SAE1: variants seen among roughly 807,000 people sequenced by gnomAD.
SAE1 encodes SUMO1 activating enzyme subunit 1.
SAE1 carries 11 observed loss-of-function variants against 40.6 expected under a neutral mutation model. The ratio of observed to expected loss-of-function variants is 0.27; its 90% CI spans 0.17 to 0.45. The LOEUF (loss-of-function observed/expected upper bound fraction) is 0.45. Among genes scored for constraint, SAE1 ranks in the 20% least tolerant of loss-of-function variants. The probability of loss-of-function intolerance (pLI) is 1.00; values close to 1 mark genes in which losing one functional copy is unlikely to be tolerated. For missense variants in SAE1, 373 were observed against 427.3 expected (o/e 0.87, Z 1.12); for synonymous variants, 155 against 154.3 (o/e 1.00, Z -0.03).
intron 5 of SAE1, among the ~76,000 whole-genome samples, chr19:47,163,838 C>T (rs150035434): frequency 0.014 from 2,123 of 151,966 alleles, 106 homozygotes; most frequent in Admixed American, 0.097. Flanking sequence ...CAGGCTGGAG[C>T]GCAGTGGCGT....
intron 8 of SAE1, among the ~76,000 whole-genome samples, chr19:47,208,068 C>G (rs1009397352): frequency 6.6e-6 from 1 of 152,184 alleles, no homozygotes; most frequent in African/African-American, 2.4e-5. Flanking sequence ...ACTCTATGTC[C>G]TCATGGAATA....
chr19:47,192,044 ACT>A lies in SAE1; in HGVS notation c.734-5186_734-5185del, dbSNP rs779807971. Among the ~76,000 whole-genome samples, 8 of 149,452 alleles carry A rather than the reference ACT, an allele frequency of 5.4e-5. No individual in the cohort carries two copies. In the East Asian group the frequency reaches 1.6e-3, roughly 30 times the overall value. On this transcript the variant is annotated intron_variant, in intron 6 of 8. Transcript: ENST00000270225. ...ACTCCAGCCTGGGCAACAGAGCGAG[ACT>A]CTGTCTCAAAAAAAAAAAAAGAAAA... is the stretch of plus-strand genomic sequence containing the variant.
chr19:47,141,431 C>T (rs547595005), intron 1 of SAE1, among the ~76,000 whole-genome samples: 16 of 152,212 alleles, frequency 1.1e-4, no homozygotes, highest in Admixed American at 3.9e-4. Flanking sequence ...CATGAGTCAC[C>T]GGGCCCGGCT....
chr19:47,143,054 C>A (rs912767048), intron 1 of SAE1, among the ~76,000 whole-genome samples: 2 of 152,182 alleles, frequency 1.3e-5, no homozygotes, highest in African/African-American at 4.8e-5. Flanking sequence ...GGATTAGAGC[C>A]TGTCTCTTTC....
chr19:47,155,167 C>T lies in SAE1; in HGVS notation c.581C>T (p.Thr194Ile). The change falls in exon 5 of 9, where the codon ACC becomes ATC. Residue 194 changes from threonine (T) to isoleucine (I), a missense_variant. This residue lies in a region of SAE1 where 351 missense variants were observed against 390.6 expected (regional missense o/e 0.90). Coordinates refer to ENST00000270225, the MANE Select transcript of SAE1 (RefSeq NM_005500.3). ...VSQGVEDGPD[T>I]KRAKLDSSET... is the part of the protein sequence containing the mutation. Reference sequence around the variant, plus strand: ...CAAGGAGTAGAAGATGGGCCCGACACCAAGAGAGCAAAACTTGATTCTTCT... The same window carrying T: ...CAAGGAGTAGAAGATGGGCCCGACATCAAGAGAGCAAAACTTGATTCTTCT... 6.2e-7 allele frequency: 1 copy of T among 1,613,960 alleles called. No individual in the cohort carries two copies. Among genetic ancestry groups the T allele is most frequent in the African/African-American group, 1.3e-5 (1 of 74,992 alleles).
At chr19:47,133,596 T>C (rs1293940892) in intron 1 of SAE1, among the ~76,000 whole-genome samples, 1 of 152,198 alleles carries the variant, frequency 6.6e-6, no homozygotes, top group Non-Finnish European at 1.5e-5. Flanking sequence ...AGATTCTGGC[T>C]GGACTGTTGC....
At chr19:47,166,297 G>A (rs1253728220) in intron 5 of SAE1, among the ~76,000 whole-genome samples, 2 of 152,144 alleles carry the variant, frequency 1.3e-5, no homozygotes, top group African/African-American at 2.4e-5. Context: ...CAGCTTTCCC[G>A]ATGTGCCTTA....
intron 7 of SAE1, among the ~76,000 whole-genome samples, chr19:47,201,662 G>GTC (rs1326035817): frequency 1.4e-5 from 2 of 138,346 alleles, no homozygotes; most frequent in African/African-American, 5.5e-5. Flanking sequence ...ATTATTGGGA[G>GTC]TCTCTCTCTC....
chr19:47,145,009 G>A (rs1011530370), intron 2 of SAE1, among the ~76,000 whole-genome samples: 1 of 143,446 alleles, frequency 7.0e-6, no homozygotes, highest in Admixed American at 7.0e-5. Flanking sequence ...GTTTTGTTTT[G>A]TTTTTTTTTT....
chr19:47,169,950 C>G (rs781411028), intron 6 of SAE1, 27 bp downstream of exon 6: 1 of 1,546,392 alleles, frequency 6.5e-7, no homozygotes, highest in South Asian at 1.1e-5. Flanking sequence ...CAACTTACCC[C>G]GGGAGAGCTT....
Position 47,210,622 on chromosome 19 carries a change from T to C in SAE1, c.*1371T>C, listed in dbSNP as rs989387354. On this transcript the variant is annotated 3_prime_UTR_variant, in exon 9 of 9. Coordinates refer to ENST00000270225, the MANE Select transcript of SAE1 (RefSeq NM_005500.3). ...TGTGTGATGTTTCAATAAATCAGTC[T>C]CTTTCCTATTCTGATCCTGCAGCAG... 9.9e-5 allele frequency: 15 copies of C among 152,212 alleles called. No individual in the cohort carries two copies. The highest frequency in any genetic ancestry group is 3.1e-4 in the African/African-American group (13 of 41,450). The allele number at this position is 152,212 out of a possible 1,614,324, so 9.4% of individuals were successfully genotyped here.
At chr19:47,164,666 T>TG (rs1491395322) in intron 5 of SAE1, among the ~76,000 whole-genome samples, 7 of 130,742 alleles carry the variant, frequency 5.4e-5, no homozygotes, top group African/African-American at 2.0e-4. Flanking sequence ...TTTTTTTTTT[T>TG]GAGACAGAGT....
At chr19:47,177,888 C>A (rs1234110886) in intron 6 of SAE1, among the ~76,000 whole-genome samples, 5 of 152,056 alleles carry the variant, frequency 3.3e-5, no homozygotes, top group Non-Finnish European at 5.9e-5. Flanking sequence ...AGGATAGAGG[C>A]TGAGCCTCGG....
At chr19:47,135,739 C>T (rs951606829) in intron 1 of SAE1, 2 of 152,158 alleles carry the variant, frequency 1.3e-5, no homozygotes, top group African/African-American at 4.8e-5. Context: ...TCCTGCCTCC[C>T]TGCAAAGTGC....
intron 1 of SAE1, among the ~76,000 whole-genome samples, chr19:47,131,371 G>A (rs775770258): frequency 6.6e-6 from 1 of 152,082 alleles, no homozygotes; most frequent in African/African-American, 2.4e-5. Context: ...CTGGGGATAC[G>A]TGGAAAGGGT....
chr19:47,196,014 G>A (rs566473925), intron 6 of SAE1, among the ~76,000 whole-genome samples: 3 of 147,856 alleles, frequency 2.0e-5, no homozygotes, highest in Non-Finnish European at 3.0e-5. Flanking sequence ...GATTGCAGAT[G>A]TGTGCCATCA....
chr19:47,179,523 CTAAAT>C (rs2058493220), intron 6 of SAE1, among the ~76,000 whole-genome samples: 3 of 151,738 alleles, frequency 2.0e-5, no homozygotes, highest in African/African-American at 7.2e-5. Context: ...AAGAAAAACT[CTAAAT>C]AAATATTGAA....
rs376143365 is a variant in SAE1, at chr19:47,155,204, G to A, written c.618G>A (p.Met206Ile). The A allele has an allele frequency of 2.0e-5, 32 of 1,611,834 alleles. No homozygotes were observed. Among genetic ancestry groups the A allele is most frequent in the Non-Finnish European group, 2.5e-5 (30 of 1,178,124 alleles). ...RAKLDSSETT[M>I]VKKKVVFCPV... ...AACTTGATTCTTCTGAGACAACGAT[G>A]GTCAAAAAGGTATGTGTAACGTGGG... is the stretch of plus-strand genomic sequence containing the variant. Residue 206 changes from methionine to isoleucine, a missense_variant, in exon 5 of 9, where the codon ATG becomes ATA. Transcript: ENST00000270225.
chr19:47,150,256 C>T lies in SAE1; in HGVS notation c.265C>T (p.Arg89Ter). 6.2e-7 allele frequency: 1 copy of T among 1,613,174 alleles called. No individual in the cohort carries two copies. Among genetic ancestry groups the T allele is most frequent in the Non-Finnish European group, 8.5e-7 (1 of 1,179,704 alleles). Residue 89 changes from arginine (R) to a stop codon, truncating the protein, a stop_gained, in exon 3 of 9, where the codon CGA (arginine) becomes TGA (stop). Transcript: ENST00000270225. LOFTEE classifies it high-confidence loss of function. Reference sequence around the variant, plus strand: ...CTTGATTCGTACTGGGTCTGTTGGCCGAAATAGGGCTGAAGCCTCTTTGGA... The same window carrying T: ...CTTGATTCGTACTGGGTCTGTTGGCTGAAATAGGGCTGAAGCCTCTTTGGA... ...QFLIRTGSVG[R>*]NRAEASLERA...
Sources: allele counts gnomAD v4.1 joint callset (sites outside exome capture counted in the v4.1 genomes callset), GRCh38; gene constraint gnomAD v4.1.1; regional missense constraint gnomAD v4.1.1; transcripts MANE v1.5; gene names NCBI Gene and HGNC (gene_info 2026-07-23, HGNC 2026-07-21).